Variants in PICALM observed in about 807,000 individuals in gnomAD.
PICALM encodes the protein phosphatidylinositol binding clathrin assembly protein.
PICALM carries 40 observed loss-of-function variants against 80.5 expected under a neutral mutation model. The observed-to-expected ratio is 0.50, with a 90% CI of 0.39 to 0.65. The LOEUF (loss-of-function observed/expected upper bound fraction) is 0.65. Ranked by LOEUF, PICALM falls within the 30% of genes least tolerant of loss-of-function variation. The pLI, the probability that PICALM is intolerant of heterozygous loss-of-function variation, is 0.00. For synonymous variants in PICALM, 288 were observed against 260.3 expected (o/e 1.11, Z -1.02); for missense variants, 676 against 778.9 (o/e 0.87, Z 1.57).
chr11:86,065,999 T>C (rs986883139), intron 1 of PICALM, among the ~76,000 whole-genome samples: 2 of 152,162 alleles, frequency 1.3e-5, no homozygotes, highest in African/African-American at 4.8e-5. Context: ...ATTAGATTCA[T>C]ATAAATAAGC....
chr11:86,016,072 C>T (rs2095476651), intron 4 of PICALM, among the ~76,000 whole-genome samples: 1 of 152,224 alleles, frequency 6.6e-6, no homozygotes, highest in Non-Finnish European at 1.5e-5. Flanking sequence ...TGGCTGGAAG[C>T]AGCTGCTGGA....
At chr11:86,058,697 C>T (rs1234837261) in intron 1 of PICALM, among the ~76,000 whole-genome samples, 5 of 152,164 alleles carry the variant, frequency 3.3e-5, no homozygotes, top group Non-Finnish European at 7.4e-5. Context: ...ACAGACACTT[C>T]TTTTCTTTTA....
Position 85,990,390 on chromosome 11 carries a change from G to A in PICALM, c.1268C>T (p.Ser423Phe). The A allele has an allele frequency of 1.2e-6, 2 of 1,603,738 alleles. No homozygotes were observed. Among genetic ancestry groups the A allele is most frequent in the South Asian group, 1.1e-5 (1 of 90,286 alleles). ...ATCATCAACAGCATCTACAGTAGCA[G>A]AGAAAGGATCTGTGCAGTCCAAATG... ...QVASTWGDPF[S>F]ATVDAVDDAI... Residue 423 changes from serine (S) to phenylalanine (F), a missense_variant, in exon 13 of 20, where the codon TCT becomes TTT. By Grantham distance (155) the Ser-to-Phe change is radical (BLOSUM62 -2). This residue lies in a region of PICALM where 391 missense variants were observed against 383.6 expected (regional missense o/e 1.02). Coordinates refer to ENST00000393346, the MANE Select transcript of PICALM (RefSeq NM_007166.4).
At chr11:86,002,695 T>C (rs2095175814) in intron 9 of PICALM, among the ~76,000 whole-genome samples, 2 of 152,186 alleles carry the variant, frequency 1.3e-5, no homozygotes, top group Non-Finnish European at 2.9e-5. Context: ...ATTGTGAGGA[T>C]TGAGCAAATT....
intron 12 of PICALM, among the ~76,000 whole-genome samples, chr11:85,993,310 C>A (rs2094852111): frequency 6.6e-6 from 1 of 151,150 alleles, no homozygotes; most frequent in Admixed American, 6.6e-5. Context: ...TGGTCTCGAA[C>A]TCCTGGGCTC....
At chr11:86,038,117 C>T (rs948144087) in intron 1 of PICALM, among the ~76,000 whole-genome samples, 1 of 152,106 alleles carries the variant, frequency 6.6e-6, no homozygotes, top group Non-Finnish European at 1.5e-5. Context: ...GTCAGGAGTT[C>T]GAGACCAGCC....
chr11:85,983,645 T>A (rs1321687696), intron 14 of PICALM, among the ~76,000 whole-genome samples: 1 of 152,176 alleles, frequency 6.6e-6, no homozygotes, highest in Non-Finnish European at 1.5e-5. Flanking sequence ...TATTTTGCTC[T>A]AGGACTAACT....
chr11:86,058,157 G>T (rs1328293361), intron 1 of PICALM, among the ~76,000 whole-genome samples: 1 of 125,790 alleles, frequency 7.9e-6, no homozygotes, highest in Non-Finnish European at 1.7e-5. Flanking sequence ...TGCATATAAG[G>T]TGTATTTAAA....
At chr11:86,019,991 T>G (rs2136453121) in intron 4 of PICALM, among the ~76,000 whole-genome samples, 1 of 152,292 alleles carries the variant, frequency 6.6e-6, no homozygotes, top group South Asian at 2.1e-4. Context: ...GGGTCATCGC[T>G]GCTGCTAAGA....
intron 1 of PICALM, among the ~76,000 whole-genome samples, chr11:86,054,295 G>A (rs2096237446): frequency 6.6e-6 from 1 of 152,070 alleles, no homozygotes; most frequent in Non-Finnish European, 1.5e-5. Flanking sequence ...TGTGTGAAAA[G>A]GAAAAAATAC....
At chr11:86,062,992 G>T (rs760804124) in intron 1 of PICALM, among the ~76,000 whole-genome samples, 1 of 151,502 alleles carries the variant, frequency 6.6e-6, no homozygotes, top group Non-Finnish European at 1.5e-5. Context: ...TTGCCAAGAA[G>T]CCTGTAAGTT....
intron 13 of PICALM, among the ~76,000 whole-genome samples, chr11:85,988,927 C>T (rs917493709): frequency 6.6e-6 from 1 of 152,210 alleles, no homozygotes; most frequent in Non-Finnish European, 1.5e-5. Context: ...CTATCGTGTC[C>T]TCTAATGTGT....
intron 19 of PICALM, among the ~76,000 whole-genome samples, chr11:85,964,067 G>A (rs1039501827): frequency 6.6e-6 from 1 of 151,722 alleles, no homozygotes; most frequent in Non-Finnish European, 1.5e-5. Flanking sequence ...AAATAAAAAT[G>A]GTTACTCCTT....
intron 7 of PICALM, among the ~76,000 whole-genome samples, chr11:86,008,038 CCA>C (rs1347723487): frequency 6.6e-6 from 1 of 152,052 alleles, no homozygotes; most frequent in African/African-American, 2.4e-5. Context: ...CTGGAAATCA[CCA>C]CAGATAACAC....
In PICALM at chr11:86,026,936, C is replaced by T. The variant is rs558039232; in HGVS notation, c.274-569G>A. Among the ~76,000 whole-genome samples, 3 of 152,312 alleles carry T rather than the reference C, an allele frequency of 2.0e-5. No individual in the cohort carries two copies. The South Asian group carries it at 6.2e-4, about 32-fold the overall frequency. On this transcript the variant is annotated intron_variant, in intron 2 of 19. Transcript: ENST00000393346. ...GAAACAGGTATACGTTACTTTCACA[C>T]AGGTTTTCACCATTTTACTAGACAT...
chr11:85,966,020 T>A (rs567320164), intron 19 of PICALM, among the ~76,000 whole-genome samples: 1 of 152,022 alleles, frequency 6.6e-6, no homozygotes, highest in East Asian at 1.9e-4. Context: ...TTTCACCATG[T>A]TGGTCAGCCT....
intron 9 of PICALM, among the ~76,000 whole-genome samples, chr11:86,001,833 C>T (rs2095154383): frequency 6.6e-6 from 1 of 152,118 alleles, no homozygotes; most frequent in South Asian, 2.1e-4. Context: ...CACTATAAAC[C>T]TCAACATTAA....
intron 1 of PICALM, among the ~76,000 whole-genome samples, chr11:86,044,728 G>C (rs2096039186): frequency 6.6e-6 from 1 of 152,218 alleles, no homozygotes; most frequent in Non-Finnish European, 1.5e-5. Flanking sequence ...AAGCATTACT[G>C]CCTGAGCTCT....
chr11:86,036,772 A>T (rs1215223258), intron 1 of PICALM, among the ~76,000 whole-genome samples: 1 of 152,124 alleles, frequency 6.6e-6, no homozygotes, highest in Non-Finnish European at 1.5e-5. Context: ...AAGTTATAGT[A>T]AAGAAAAATA....
Sources: allele counts gnomAD v4.1 joint callset (sites outside exome capture counted in the v4.1 genomes callset), GRCh38; gene constraint gnomAD v4.1.1; regional missense constraint gnomAD v4.1.1; transcripts MANE v1.5; gene names NCBI Gene and HGNC (gene_info 2026-07-23, HGNC 2026-07-21).